The following FAR2 variants were observed in gnomAD, a reference collection of about 807,000 sequenced individuals.
The protein encoded by FAR2 is fatty acyl-CoA reductase 2.
A neutral mutation model predicts 56.0 loss-of-function variants in FAR2; 19 were observed. That is an observed-to-expected ratio of 0.34 (90% CI 0.24 to 0.50). The LOEUF (loss-of-function observed/expected upper bound fraction) is 0.50. FAR2 is among the 20% of genes least tolerant of loss of function. The pLI, the probability that FAR2 is intolerant of heterozygous loss-of-function variation, is 0.98. For missense variants in FAR2, 508 were observed against 642.2 expected, an observed-to-expected ratio of 0.79 and a Z score of 2.26; for synonymous variants, 219 against 218.8, an observed-to-expected ratio of 1.00 and a Z score of -0.01.
chr12:29,258,411 T>C (rs1162973411), intron 1 of FAR2, among the ~76,000 whole-genome samples: 1 of 152,170 alleles, frequency 6.6e-6, no homozygotes, highest in East Asian at 1.9e-4. Flanking sequence ...TAAATATATG[T>C]ATAAATTTTT....
At chr12:29,225,859 G>A (rs905487216) in intron 1 of FAR2, among the ~76,000 whole-genome samples, 1 of 152,162 alleles carries the variant, frequency 6.6e-6, no homozygotes, top group Non-Finnish European at 1.5e-5. Context: ...CTATGGTTTG[G>A]AAATAACACA....
Position 29,335,175 on chromosome 12 carries a change from T to C in FAR2, c.*1381T>C, listed in dbSNP as rs543210840. 5 of 152,138 alleles carry C rather than the reference T, an allele frequency of 3.3e-5. No individual in the cohort carries two copies. Among genetic ancestry groups the C allele is most frequent in the Non-Finnish European group, 7.4e-5 (5 of 68,022 alleles). The allele number at this position is 152,138 out of a possible 1,614,324, so 9.4% of individuals were successfully genotyped here. A position where few individuals can be genotyped will look rare whatever the true frequency, so the allele number is the denominator to read the frequency against. On this transcript the variant is annotated 3_prime_UTR_variant, in exon 12 of 12. Coordinates refer to ENST00000536681, the MANE Select transcript of FAR2 (RefSeq NM_001271783.2). ...TATTTATGCTCACTTCCTGGAGTAATTGGGTAATATTCAGAAAGGCACATC... is the reference window on the plus strand; with the variant it reads ...TATTTATGCTCACTTCCTGGAGTAACTGGGTAATATTCAGAAAGGCACATC...
intron 1 of FAR2, among the ~76,000 whole-genome samples, chr12:29,199,625 G>GA (rs1947381238): frequency 4.2e-4 from 55 of 132,362 alleles, no homozygotes; most frequent in African/African-American, 1.4e-3. Context: ...AGAAAGAAAA[G>GA]AAACAAACAA....
intron 1 of FAR2, among the ~76,000 whole-genome samples, chr12:29,243,407 G>A (rs374886541): frequency 4.6e-5 from 7 of 152,274 alleles, no homozygotes; most frequent in African/African-American, 1.7e-4. Flanking sequence ...GTTGCTACCG[G>A]TTGTAGGTCA....
intron 1 of FAR2, among the ~76,000 whole-genome samples, chr12:29,259,269 G>A (rs1948377621): frequency 6.6e-6 from 1 of 152,140 alleles, no homozygotes; most frequent in Non-Finnish European, 1.5e-5. Flanking sequence ...AATGAAGGAA[G>A]GCCGGGGATG....
intron 2 of FAR2, among the ~76,000 whole-genome samples, chr12:29,288,745 T>A (rs1948913436): frequency 6.6e-6 from 1 of 152,180 alleles, no homozygotes. Flanking sequence ...CTATCTCTCA[T>A]CACAGTCATA....
intron 1 of FAR2, among the ~76,000 whole-genome samples, chr12:29,257,591 A>G (rs948599584): frequency 3.3e-5 from 5 of 152,024 alleles, no homozygotes; most frequent in Non-Finnish European, 7.4e-5. Context: ...TGTAACACTC[A>G]CTGCGAAGGT....
At chr12:29,243,857 T>A (rs1448066568) in intron 1 of FAR2, among the ~76,000 whole-genome samples, 3 of 152,186 alleles carry the variant, frequency 2.0e-5, no homozygotes, top group Non-Finnish European at 4.4e-5. Flanking sequence ...TTTAAAGGCA[T>A]CTGCAGTTGT....
At chr12:29,175,206 C>G (rs1341074276) in intron 1 of FAR2, among the ~76,000 whole-genome samples, 1 of 152,232 alleles carries the variant, frequency 6.6e-6, no homozygotes, top group Non-Finnish European at 1.5e-5. Flanking sequence ...ATTGCCCCAT[C>G]TGGGTCACCA....
intron 1 of FAR2, among the ~76,000 whole-genome samples, chr12:29,189,337 T>G (rs1428802391): frequency 6.6e-6 from 1 of 152,246 alleles, no homozygotes; most frequent in African/African-American, 2.4e-5. Context: ...GTTCCAGCTT[T>G]GGCTGGTGGG....
At chr12:29,286,931 C>T (rs939022131) in intron 2 of FAR2, among the ~76,000 whole-genome samples, 3 of 152,050 alleles carry the variant, frequency 2.0e-5, no homozygotes, top group African/African-American at 4.8e-5. Flanking sequence ...TCACAGAATA[C>T]GATAGTCAGG....
intron 4 of FAR2, among the ~76,000 whole-genome samples, chr12:29,305,246 G>C (rs1026314310): frequency 1.3e-5 from 2 of 151,986 alleles, no homozygotes; most frequent in Non-Finnish European, 2.9e-5. Context: ...CAATCCTCCT[G>C]CCTCAGCCTC....
chr12:29,174,403 G>C (rs1201194041), intron 1 of FAR2, among the ~76,000 whole-genome samples: 1 of 144,074 alleles, frequency 6.9e-6, no homozygotes, highest in Non-Finnish European at 1.5e-5. Context: ...AAGCACCAGA[G>C]ACAGGGAGTG....
chr12:29,294,559 A>T (rs1288289302), intron 3 of FAR2, among the ~76,000 whole-genome samples: 1 of 152,206 alleles, frequency 6.6e-6, no homozygotes, highest in Non-Finnish European at 1.5e-5. Context: ...CATGTTGGCC[A>T]GGCTGGTCTC....
intron 1 of FAR2, among the ~76,000 whole-genome samples, chr12:29,153,512 G>A (rs1451046855): frequency 1.3e-5 from 2 of 152,216 alleles, no homozygotes; most frequent in Admixed American, 1.3e-4. Context: ...AGGGGAGCAG[G>A]TGGCTGGTCA....
chr12:29,257,595 C>G (rs945138854), intron 1 of FAR2, among the ~76,000 whole-genome samples: 1 of 152,146 alleles, frequency 6.6e-6, no homozygotes, highest in African/African-American at 2.4e-5. Flanking sequence ...ACACTCACTG[C>G]GAAGGTCTGC....
intron 8 of FAR2, among the ~76,000 whole-genome samples, chr12:29,313,344 G>C (rs1182170383): frequency 6.6e-6 from 1 of 152,062 alleles, no homozygotes; most frequent in Non-Finnish European, 1.5e-5. Flanking sequence ...CCTATGAACC[G>C]GTGATTCTTG....
intron 1 of FAR2, among the ~76,000 whole-genome samples, chr12:29,179,518 C>T (rs1043749687): frequency 6.6e-6 from 1 of 152,174 alleles, no homozygotes; most frequent in African/African-American, 2.4e-5. Context: ...AACTGAAATG[C>T]AAAGGTGAAA....
At chr12:29,320,267 T>C (rs1565523314) in intron 9 of FAR2, among the ~76,000 whole-genome samples, 1 of 152,208 alleles carries the variant, frequency 6.6e-6, no homozygotes, top group Non-Finnish European at 1.5e-5. Context: ...CTAAAACATA[T>C]CATTAGGTTG....
Sources: allele counts gnomAD v4.1 joint callset (sites outside exome capture counted in the v4.1 genomes callset), GRCh38; gene constraint gnomAD v4.1.1; transcripts MANE v1.5; gene names NCBI Gene and HGNC (gene_info 2026-07-23, HGNC 2026-07-21).